PCSK6: variants seen among roughly 807,000 people sequenced by gnomAD.
PCSK6 encodes the protein paired basic amino acid cleaving enzyme 4.
PCSK6 carries 85 observed loss-of-function variants against 123.3 expected under a neutral mutation model. The observed-to-expected ratio is 0.69, with a 90% CI of 0.58 to 0.83. The LOEUF (loss-of-function observed/expected upper bound fraction) is 0.83, where lower values mean the gene tolerates loss of function less well. PCSK6 is among the 40% of genes least tolerant of loss of function. The probability of loss-of-function intolerance (pLI) is 0.00; values close to 1 mark genes in which losing one functional copy is unlikely to be tolerated. For synonymous variants in PCSK6, 508 were observed against 516.0 expected, an observed-to-expected ratio of 0.98 and a Z score of 0.21; for missense variants, 1,191 against 1,282.3, an observed-to-expected ratio of 0.93 and a Z score of 1.09.
Position 101,305,500 on chromosome 15 carries a change from G to C in PCSK6, c.2813-145C>G. 1 of 638,972 alleles carries C rather than the reference G, an allele frequency of 1.6e-6. No individual in the cohort carries two copies. The highest frequency in any genetic ancestry group is 2.9e-5 in the East Asian group (1 of 34,482). 39.6% of individuals were successfully genotyped at this position (638,972 alleles called of 1,614,324 possible). On this transcript the variant is annotated intron_variant, in intron 21 of 21. Coordinates refer to ENST00000611716, the MANE Select transcript of PCSK6 (RefSeq NM_002570.5). This position sits in a 1 kb window ranked among gnomAD's most constrained non-coding sequence, Gnocchi z 4.8. ...AGGTGGGTGGATCACCTGAGGTCAG[G>C]AGCTTGAGACCAGTCTAACCAACAT...
At chr15:101,420,602 G>A (rs2056053385) in intron 6 of PCSK6, among the ~76,000 whole-genome samples, 1 of 152,256 alleles carries the variant, frequency 6.6e-6, no homozygotes, top group East Asian at 1.9e-4. Context: ...GGGCTCAAAA[G>A]GTCTTCCTGC....
At position 101,427,954 on chromosome 15, in the gene PCSK6, A is replaced by T; in HGVS notation, c.761T>A (p.Val254Asp). 2.5e-6 allele frequency: 4 copies of T among 1,585,224 alleles called. No individual in the cohort carries two copies. The highest frequency in any genetic ancestry group is 3.4e-6 in the Non-Finnish European group (4 of 1,165,306). The change falls in exon 6 of 22, where the codon GTT becomes GAT. Residue 254 changes from valine (V) to aspartate (D), a missense_variant. By Grantham distance (152) the Val-to-Asp change is radical. Around this residue, in one of 3 missense-constraint regions of PCSK6, gnomAD observed 357 missense variants for 484.5 expected, o/e 0.74. Coordinates refer to ENST00000611716, the MANE Select transcript of PCSK6 (RefSeq NM_002570.5). ...NKHGTRCAGE[V>D]AASANNSYCI... ...GTAGGAATTGTTTGCTGAAGCAGCA[A>T]CTTCTCCCGCACAACGAGTGCCGTG...
chr15:101,326,367 C>G lies in PCSK6; in HGVS notation c.2180+10G>C. The G allele has an allele frequency of 6.4e-7, 1 of 1,559,480 alleles. No homozygotes were observed. The highest frequency in any genetic ancestry group is 8.7e-7 in the Non-Finnish European group (1 of 1,150,488). On this transcript the variant is annotated intron_variant, in intron 16 of 21. Transcript: ENST00000611716. ...AGTGGTGAGCCACAGGGCTGCGGGA[C>G]ATGCATTACCTGCTGGTCTTGACAC...
At chr15:101,399,027 C>T (rs1038472732) in intron 6 of PCSK6, among the ~76,000 whole-genome samples, 9 of 152,116 alleles carry the variant, frequency 5.9e-5, no homozygotes, top group African/African-American at 2.2e-4. Context: ...CTCAGCCTCC[C>T]GAGTAGCTGG....
intron 7 of PCSK6, 127 bp from the exon 8 acceptor site, chr15:101,393,551 T>C (rs2042300323): frequency 4.5e-6 from 3 of 669,384 alleles, no homozygotes; most frequent in Non-Finnish European, 5.0e-6. Context: ...ATTCAGACCA[T>C]CTGGATGCTG....
rs932549732 is a variant in PCSK6, at chr15:101,489,582, G to C, written c.89C>G (p.Ala30Gly). The C allele has an allele frequency of 1.0e-6, 1 of 974,608 alleles. No individual in the cohort carries two copies. Among genetic ancestry groups the C allele is most frequent in the African/African-American group, 1.8e-5 (1 of 55,784 alleles). 60.4% of individuals were successfully genotyped at this position (974,608 alleles called of 1,614,324 possible). A position where few individuals can be genotyped will look rare whatever the true frequency, so the allele number is the denominator to read the frequency against. The change falls in exon 1 of 22, where the codon GCG (alanine) becomes GGG (glycine). Residue 30 changes from alanine to glycine, a missense_variant. By Grantham distance (60) the Ala-to-Gly change is moderately conservative. Around this residue, in one of 3 missense-constraint regions of PCSK6, gnomAD observed 204 missense variants for 166.4 expected, o/e 1.23. Transcript: ENST00000611716. ...CCCGCCGGCGCCCCCCGCGCCCCCCGCGCCCCCCGCGCCCGCGGCGGTGTC... is the reference window on the plus strand; with the variant it reads ...CCCGCCGGCGCCCCCCGCGCCCCCCCCGCCCCCCGCGCCCGCGGCGGTGTC... ...ATDTAAGAGG[A>G]GGAGGAGGPG...
At chr15:101,415,245 A>G (rs897656294) in intron 6 of PCSK6, among the ~76,000 whole-genome samples, 1 of 152,246 alleles carries the variant, frequency 6.6e-6, no homozygotes, top group African/African-American at 2.4e-5. Flanking sequence ...GATAGAACAC[A>G]CAGGTGATAG....
chr15:101,386,004 A>T (rs892623311), intron 9 of PCSK6, among the ~76,000 whole-genome samples: 1 of 152,006 alleles, frequency 6.6e-6, no homozygotes, highest in Non-Finnish European at 1.5e-5. Context: ...TCACTCCCTA[A>T]TATCACAAAC....
intron 13 of PCSK6, among the ~76,000 whole-genome samples, chr15:101,337,931 T>C (rs902003331): frequency 6.6e-6 from 1 of 152,240 alleles, no homozygotes; most frequent in Admixed American, 6.5e-5. Context: ...TTTTTTGAAA[T>C]ACATAAATCT....
intron 9 of PCSK6, among the ~76,000 whole-genome samples, chr15:101,387,107 C>T (rs932778109): frequency 3.9e-5 from 6 of 152,176 alleles, no homozygotes; most frequent in Admixed American, 3.3e-4. Flanking sequence ...GCTTCCTCAC[C>T]GTCTCTCCCC....
chr15:101,369,314 G>A (rs1322210542), intron 12 of PCSK6, among the ~76,000 whole-genome samples: 11 of 152,234 alleles, frequency 7.2e-5, no homozygotes, highest in Admixed American at 3.3e-4. Flanking sequence ...TAAGCAAAGG[G>A]CAACCCCCAA....
rs567444722 is a variant in PCSK6, at chr15:101,398,236, C to T, written c.996+168G>A. Among the ~76,000 whole-genome samples, 2 of 152,348 alleles carry T rather than the reference C, an allele frequency of 1.3e-5. No homozygotes were observed. The highest frequency in any genetic ancestry group is 6.5e-5 in the Admixed American group (1 of 15,308). On this transcript the variant is annotated intron_variant, in intron 7 of 21. Coordinates refer to ENST00000611716, the MANE Select transcript of PCSK6 (RefSeq NM_002570.5). This position sits in a 1 kb window ranked among gnomAD's most constrained non-coding sequence, Gnocchi z 4.6. Reference sequence around the variant, plus strand: ...TTCTGCTCTCGCCGGTCAAGAGCCACTTCTCAGACTCCCCGAGTGACTCCT... The same window carrying T: ...TTCTGCTCTCGCCGGTCAAGAGCCATTTCTCAGACTCCCCGAGTGACTCCT...
At chr15:101,325,981 C>T (rs771111277) in intron 16 of PCSK6, among the ~76,000 whole-genome samples, 12 of 152,234 alleles carry the variant, frequency 7.9e-5, no homozygotes, top group African/African-American at 2.9e-4. Flanking sequence ...AGACCATCAA[C>T]AGGCTTCAGC....
intron 6 of PCSK6, among the ~76,000 whole-genome samples, chr15:101,402,372 T>C (rs1366709105): frequency 2.7e-5 from 4 of 150,782 alleles, no homozygotes; most frequent in South Asian, 2.1e-4. Flanking sequence ...AAGGACTTCA[T>C]GTCTAAAACA....
chr15:101,470,099 G>A (rs960660000), intron 1 of PCSK6, among the ~76,000 whole-genome samples: 6 of 152,146 alleles, frequency 3.9e-5, no homozygotes, highest in Non-Finnish European at 7.3e-5. Flanking sequence ...CCAACTCAGG[G>A]ATCAAACGTC....
chr15:101,389,707 T>A, intron 8 of PCSK6, 143 bp from the exon 9 acceptor site: 1 of 624,288 alleles, frequency 1.6e-6, no homozygotes, highest in Non-Finnish European at 2.8e-6. Flanking sequence ...GGCAAATGCA[T>A]CTCGGCAACC....
chr15:101,385,181 T>C (rs2042024325), intron 9 of PCSK6, among the ~76,000 whole-genome samples: 2 of 46,846 alleles, frequency 4.3e-5, no homozygotes, highest in Admixed American at 4.9e-4. Context: ...CACACCCGGC[T>C]AATTTTTTAC....
At chr15:101,330,255 C>G (rs1383978346) in intron 15 of PCSK6, among the ~76,000 whole-genome samples, 1 of 152,210 alleles carries the variant, frequency 6.6e-6, no homozygotes, top group Non-Finnish European at 1.5e-5. Flanking sequence ...TGCTGCTGTC[C>G]TGGGACCCTG....
At chr15:101,391,070 A>G (rs1396786966) in intron 8 of PCSK6, among the ~76,000 whole-genome samples, 2 of 152,136 alleles carry the variant, frequency 1.3e-5, no homozygotes, top group Non-Finnish European at 2.9e-5. Flanking sequence ...GGTCTGTGTC[A>G]CACACAGGAA....
Sources: allele counts gnomAD v4.1 joint callset (sites outside exome capture counted in the v4.1 genomes callset), GRCh38; gene constraint gnomAD v4.1.1; regional missense constraint gnomAD v4.1.1; non-coding constraint Gnocchi (gnomAD v3.1); transcripts MANE v1.5; gene names NCBI Gene and HGNC (gene_info 2026-07-23, HGNC 2026-07-21).